Variants in ASTN1 observed in about 807,000 individuals in gnomAD.
ASTN1 encodes astrotactin-1.
ASTN1 carries 41 observed loss-of-function variants against 140.7 expected under a neutral mutation model. The observed-to-expected ratio is 0.29, with a 90% CI of 0.23 to 0.38. The LOEUF (loss-of-function observed/expected upper bound fraction) is 0.38. ASTN1 is among the 10% of genes least tolerant of loss of function. ASTN1 has a pLI of 1.00. For missense variants in ASTN1, 1,479 were observed against 1,678.8 expected (o/e 0.88, Z 2.08); for synonymous variants, 640 against 652.2 (o/e 0.98, Z 0.29).
intron 16 of ASTN1, among the ~76,000 whole-genome samples, chr1:176,896,435 C>T (rs1321067431): frequency 2.6e-5 from 4 of 152,142 alleles, no homozygotes; most frequent in Admixed American, 6.5e-5. Context: ...GGGAGGCTTA[C>T]GCAACCCAGT....
intron 1 of ASTN1, among the ~76,000 whole-genome samples, chr1:177,103,265 T>C (rs1437161174): frequency 6.6e-6 from 1 of 152,112 alleles, no homozygotes. Flanking sequence ...GGCAAATAGA[T>C]GATGTGAAGT....
At chr1:177,154,867 A>G (rs1052261039) in intron 1 of ASTN1, among the ~76,000 whole-genome samples, 10 of 152,176 alleles carry the variant, frequency 6.6e-5, no homozygotes, top group African/African-American at 2.4e-4. Context: ...AAATCTCTGC[A>G]TGAGATTACA....
chr1:176,931,255 T>C (rs1415974362), intron 16 of ASTN1, among the ~76,000 whole-genome samples: 1 of 152,018 alleles, frequency 6.6e-6, no homozygotes, highest in Non-Finnish European at 1.5e-5. Flanking sequence ...TCACCTGAGG[T>C]CGGGAGTTCG....
intron 4 of ASTN1, among the ~76,000 whole-genome samples, chr1:177,030,412 T>C (rs765556980): frequency 9.2e-5 from 14 of 152,342 alleles, no homozygotes; most frequent in African/African-American, 3.4e-4. Context: ...TTAACAAATA[T>C]AGATCTATAT....
chr1:176,962,853 G>T (rs778630356), intron 9 of ASTN1, among the ~76,000 whole-genome samples: 9 of 152,188 alleles, frequency 5.9e-5, no homozygotes, highest in Non-Finnish European at 1.3e-4. Context: ...TTTTGGATGA[G>T]ACTGTAAATG....
At chr1:176,932,757 T>C (rs1362234368) in intron 16 of ASTN1, among the ~76,000 whole-genome samples, 4 of 152,224 alleles carry the variant, frequency 2.6e-5, no homozygotes, top group Non-Finnish European at 5.9e-5. Context: ...TTAAGGACAC[T>C]GCATTGCTTG....
chr1:176,964,376 T>G (rs1012975809), intron 9 of ASTN1, among the ~76,000 whole-genome samples: 7 of 152,204 alleles, frequency 4.6e-5, no homozygotes, highest in African/African-American at 1.7e-4. Context: ...ACGCCCATAC[T>G]GTCAAGCCAA....
chr1:176,910,911 T>C (rs895619251), intron 16 of ASTN1, among the ~76,000 whole-genome samples: 1 of 152,192 alleles, frequency 6.6e-6, no homozygotes, highest in South Asian at 2.1e-4. Flanking sequence ...GTGCTTCTTA[T>C]GGGAATCTAA....
chr1:177,058,456 A>G (rs1049467417), intron 2 of ASTN1, among the ~76,000 whole-genome samples: 6 of 152,196 alleles, frequency 3.9e-5, no homozygotes, highest in Non-Finnish European at 8.8e-5. Flanking sequence ...ATAAAATGTC[A>G]TAGTGGTCTG....
At chr1:177,051,912 T>C (rs540935814) in intron 2 of ASTN1, among the ~76,000 whole-genome samples, 1 of 152,234 alleles carries the variant, frequency 6.6e-6, no homozygotes, top group South Asian at 2.1e-4. Flanking sequence ...CGTGGTTTGA[T>C]TAAAAAATAA....
intron 1 of ASTN1, among the ~76,000 whole-genome samples, chr1:177,073,329 G>A (rs1322554970): frequency 1.3e-5 from 2 of 151,906 alleles, no homozygotes; most frequent in African/African-American, 4.8e-5. Flanking sequence ...TGTATTTTGC[G>A]ATTGTACTAT....
intron 16 of ASTN1, among the ~76,000 whole-genome samples, chr1:176,930,447 G>A (rs1671158589): frequency 6.6e-6 from 1 of 152,162 alleles, no homozygotes; most frequent in Admixed American, 6.5e-5. Context: ...AGCAGTAGGA[G>A]GGAGAGACTC....
chr1:176,929,161 G>C (rs1321781403), intron 16 of ASTN1, among the ~76,000 whole-genome samples: 2 of 152,184 alleles, frequency 1.3e-5, no homozygotes, highest in Non-Finnish European at 2.9e-5. Context: ...GAGGTGAGAG[G>C]GGGTGGTAGG....
At chr1:177,046,787 G>A (rs1010108231) in intron 2 of ASTN1, among the ~76,000 whole-genome samples, 4 of 152,208 alleles carry the variant, frequency 2.6e-5, no homozygotes, top group African/African-American at 9.6e-5. Context: ...AGGAAGAGAT[G>A]TGAGGGTTCA....
In ASTN1 at chr1:177,011,166, A is replaced by G. The variant is rs1395085326; in HGVS notation, c.1523+3625T>C. 2.6e-5 allele frequency among the ~76,000 whole-genome samples: 4 copies of G among 152,212 alleles called. No individual in the cohort carries two copies. In the East Asian group the frequency reaches 5.8e-4, roughly 22 times the overall value. On this transcript the variant is annotated intron_variant, in intron 8 of 22. Coordinates refer to ENST00000361833, the MANE Select transcript of ASTN1 (RefSeq NM_004319.3). ...AAAACCATGTTTCTCATGTCTCCGT[A>G]CCTTTCTGCATGCTAGTTCCCTTTG...
intron 20 of ASTN1, 22 bp from the exon 21 acceptor site, chr1:176,876,659 T>C: frequency 6.2e-7 from 1 of 1,610,794 alleles, no homozygotes; most frequent in East Asian, 2.2e-5. Context: ...TGGGAGGGCA[T>C]GGTTAGCAGA....
At chr1:176,997,557 C>T (rs1032640992) in intron 8 of ASTN1, among the ~76,000 whole-genome samples, 1 of 151,918 alleles carries the variant, frequency 6.6e-6, no homozygotes, top group African/African-American at 2.4e-5. Flanking sequence ...CACATCACAT[C>T]ACAGAGGAGG....
chr1:176,942,873 T>G (rs1671800107), intron 14 of ASTN1, among the ~76,000 whole-genome samples: 1 of 122,304 alleles, frequency 8.2e-6, no homozygotes, highest in Non-Finnish European at 1.8e-5. Context: ...TATAGATTGA[T>G]GTCTCATGTC....
At chr1:177,151,629 A>G (rs1272318844) in intron 1 of ASTN1, among the ~76,000 whole-genome samples, 1 of 152,172 alleles carries the variant, frequency 6.6e-6, no homozygotes, top group Non-Finnish European at 1.5e-5. Context: ...CACTCATCAC[A>G]GAATTGTTGC....
Sources: gnomAD v4.1 joint callset for allele counts (sites outside exome capture counted in the v4.1 genomes callset) on GRCh38, gnomAD v4.1.1 for gene constraint, MANE v1.5 for transcripts, NCBI Gene and HGNC (gene_info 2026-07-23, HGNC 2026-07-21) for gene names.